The following TNFRSF18 variants were observed in gnomAD, a reference collection of about 807,000 sequenced individuals.
The protein encoded by TNFRSF18 is tumor necrosis factor receptor superfamily member 18.
Under a neutral mutation model 30.2 loss-of-function variants are expected in TNFRSF18, and 36 were observed. The observed-to-expected ratio is 1.19, with a 90% CI of 0.91 to 1.58. The LOEUF (loss-of-function observed/expected upper bound fraction) is 1.58. Among genes scored for constraint, TNFRSF18 ranks in the 40% most tolerant of loss-of-function variants. TNFRSF18 has a pLI of 0.00. For synonymous variants in TNFRSF18, 173 were observed against 158.3 expected, an observed-to-expected ratio of 1.09 and a Z score of -0.70; for missense variants, 369 against 345.4, an observed-to-expected ratio of 1.07 and a Z score of -0.54.
intron 1 of TNFRSF18, 130 bp downstream of exon 1, chr1:1,206,255 G>T: frequency 9.3e-7 from 1 of 1,073,172 alleles, no homozygotes. Context: ...TCCCGCTGCT[G>T]GCGGCTCTGT....
intron 3 of TNFRSF18, 79 bp from the exon 4 acceptor site, chr1:1,204,315 G>C: frequency 3.1e-6 from 5 of 1,593,290 alleles, no homozygotes; most frequent in Non-Finnish European, 4.3e-6. Flanking sequence ...CCTCCGTGCT[G>C]TCTGGGGCAA....
chr1:1,203,777 C>T lies in TNFRSF18; in HGVS notation c.*67G>A. On this transcript the variant is annotated 3_prime_UTR_variant, in exon 5 of 5. Transcript: ENST00000379268. ...CCCGGCCCAGAGCAGAACGCAGAGCCCCTGCGGCCTGGGGAGCTCCTGGGG... is the reference window on the plus strand; with the variant it reads ...CCCGGCCCAGAGCAGAACGCAGAGCTCCTGCGGCCTGGGGAGCTCCTGGGG... The T allele has an allele frequency of 6.4e-7, 1 of 1,565,234 alleles. No homozygotes were observed. Among genetic ancestry groups the T allele is most frequent in the Non-Finnish European group, 8.6e-7 (1 of 1,161,584 alleles).
chr1:1,203,677 C>A lies in TNFRSF18; in HGVS notation c.*167G>T. The A allele has an allele frequency of 6.4e-7, 1 of 1,550,538 alleles. No individual in the cohort carries two copies. Among genetic ancestry groups the A allele is most frequent in the Non-Finnish European group, 8.7e-7 (1 of 1,155,668 alleles). Reference sequence around the variant, plus strand: ...TCCCTCCTGCAGGGCCCAGCCGCGGCCGCCGAACTGCATGGTCCAGGGCGC... The same window carrying A: ...TCCCTCCTGCAGGGCCCAGCCGCGGACGCCGAACTGCATGGTCCAGGGCGC... On this transcript the variant is annotated 3_prime_UTR_variant, in exon 5 of 5. Transcript: ENST00000379268.
chr1:1,205,609 A>G, intron 1 of TNFRSF18, 117 bp from the exon 2 acceptor site: 1 of 1,085,630 alleles, frequency 9.2e-7, no homozygotes, highest in Non-Finnish European at 1.3e-6. Context: ...AGTTGGCTCC[A>G]GGGAGCAGAG....
intron 1 of TNFRSF18, 69 bp downstream of exon 1, chr1:1,206,316 G>C (rs767908776): frequency 2.0e-6 from 3 of 1,504,542 alleles, no homozygotes; most frequent in African/African-American, 2.8e-5. Context: ...GGGAAGGGGG[G>C]CGCCCACCCA....
intron 3 of TNFRSF18, 42 bp from the exon 4 acceptor site, chr1:1,204,278 G>C: frequency 6.3e-7 from 1 of 1,595,378 alleles, no homozygotes; most frequent in Non-Finnish European, 8.5e-7. Context: ...CCCCGGACAC[G>C]GCCTCCGATC....
rs1400770562 is a variant in TNFRSF18, at chr1:1,203,779, C to A, written c.*65G>T. The A allele has an allele frequency of 1.9e-6, 3 of 1,565,840 alleles. No homozygotes were observed. The highest frequency in any genetic ancestry group is 2.3e-5 in the East Asian group (1 of 42,934). ...CGGCCCAGAGCAGAACGCAGAGCCCCTGCGGCCTGGGGAGCTCCTGGGGAG... is the reference window on the plus strand; with the variant it reads ...CGGCCCAGAGCAGAACGCAGAGCCCATGCGGCCTGGGGAGCTCCTGGGGAG... On this transcript the variant is annotated 3_prime_UTR_variant, in exon 5 of 5. Transcript: ENST00000379268.
In TNFRSF18 at chr1:1,204,200, C is replaced by T. The variant is rs750650805; in HGVS notation, c.435G>A (p.Gly145=). ...CGCACACAGCGTTGTGGGTCTTGTTCCCAGGGAACACAGTGAGAAACCCGA... is the reference window on the plus strand; with the variant it reads ...CGCACACAGCGTTGTGGGTCTTGTTTCCAGGGAACACAGTGAGAAACCCGA... ...TQFGFLTVFP[G]NKTHNAVCVP... The change falls in exon 4 of 5, where the codon GGG becomes GGA. Residue 145 remains glycine (G), a synonymous_variant. Coordinates refer to ENST00000379268, the MANE Select transcript of TNFRSF18 (RefSeq NM_004195.3). 1 of 1,611,842 alleles carries T rather than the reference C, an allele frequency of 6.2e-7. No homozygotes were observed. Among genetic ancestry groups the T allele is most frequent in the African/African-American group, 1.3e-5 (1 of 74,938 alleles).
At position 1,206,461 on chromosome 1, in the gene TNFRSF18, C is replaced by T; in HGVS notation, c.111G>A (p.Gly37=). The change falls in exon 1 of 5, where the codon GGG becomes GGA. Residue 37 remains glycine, a synonymous_variant. Transcript: ENST00000379268. ...CCGTTCCCGTCCCAAGCAGGAGGCG[C>T]CCAGGGCCGCACCCGGGACCCCCGG... is the stretch of plus-strand genomic sequence containing the variant. The part of the protein sequence containing the change: ...RPTGGPGCGP[G]RLLLGTGTDA... The T allele has an allele frequency of 6.5e-7, 1 of 1,547,002 alleles. No individual in the cohort carries two copies. The highest frequency in any genetic ancestry group is 8.7e-7 in the Non-Finnish European group (1 of 1,146,028).
At chr1:1,206,056 G>C (rs1001923926) in intron 1 of TNFRSF18, among the ~76,000 whole-genome samples, 1 of 152,242 alleles carries the variant, frequency 6.6e-6, no homozygotes, top group Non-Finnish European at 1.5e-5. Flanking sequence ...CTGGGCAGGA[G>C]GGGGCTGGGC....
At chr1:1,204,013 C>T in intron 4 of TNFRSF18, 21 bp downstream of exon 4, 1 of 1,607,952 alleles carries the variant, frequency 6.2e-7, no homozygotes, top group Non-Finnish European at 8.5e-7. Context: ...TCCCACCTCC[C>T]CGCACCAGGC....
At chr1:1,206,317 C>T (rs750818116) in intron 1 of TNFRSF18, 68 bp downstream of exon 1, 503 of 1,501,680 alleles carry the variant, frequency 3.3e-4, no homozygotes, top group Non-Finnish European at 4.0e-4. Flanking sequence ...GGAAGGGGGG[C>T]GCCCACCCAT....
intron 1 of TNFRSF18, chr1:1,205,775 G>T: frequency 2.2e-6 from 1 of 456,722 alleles, no homozygotes; most frequent in Non-Finnish European, 4.0e-6. Flanking sequence ...GGACCCAGGG[G>T]TGGCCCCCAA....
rs1472751875 is a variant in TNFRSF18 at position 1,203,957 on chromosome 1, G to A, written c.613C>T (p.Leu205=). The A allele has an allele frequency of 6.2e-7, 1 of 1,607,096 alleles. No individual in the cohort carries two copies. The highest frequency in any genetic ancestry group is 8.5e-7 in the Non-Finnish European group (1 of 1,178,714). The change falls in exon 5 of 5, where the codon CTG becomes TTG. Residue 205 remains leucine (L), a synonymous_variant. Coordinates refer to ENST00000379268, the MANE Select transcript of TNFRSF18 (RefSeq NM_004195.3). Reference sequence around the variant, plus strand: ...TCGGTCGACGGCGGCACCTCCAGCAGCAGCTGGGTCTCTGCAGGGGGGCCA... The same window carrying A: ...TCGGTCGACGGCGGCACCTCCAGCAACAGCTGGGTCTCTGCAGGGGGGCCA... ...QCMWPRETQL[L]LEVPPSTEDA...
intron 2 of TNFRSF18, among the ~76,000 whole-genome samples, chr1:1,204,775 G>T (rs1298514809): frequency 5.9e-5 from 9 of 152,080 alleles, no homozygotes; most frequent in Non-Finnish European, 1.0e-4. Flanking sequence ...GGGGCTGAGG[G>T]TGGGCAGAAG....
intron 2 of TNFRSF18, 43 bp downstream of exon 2, chr1:1,205,327 C>A: frequency 6.3e-7 from 1 of 1,594,186 alleles, no homozygotes; most frequent in Non-Finnish European, 8.5e-7. Context: ...CCTAGTGGAA[C>A]CCCTGGCCTG....
Position 1,203,540 on chromosome 1 carries a change from C to T in TNFRSF18, c.*304G>A. ...ACAAGTGTTTATTGAAGGTCCCCTGCAGCCGGGTCCCGTGCTGGGCACTGC... is the reference window on the plus strand; with the variant it reads ...ACAAGTGTTTATTGAAGGTCCCCTGTAGCCGGGTCCCGTGCTGGGCACTGC... On this transcript the variant is annotated 3_prime_UTR_variant, in exon 5 of 5. Transcript: ENST00000379268. 6.9e-7 allele frequency: 1 copy of T among 1,445,070 alleles called. No homozygotes were observed. 89.5% of individuals were successfully genotyped at this position (1,445,070 alleles called of 1,614,324 possible). A position where few individuals can be genotyped will look rare whatever the true frequency, so the allele number is the denominator to read the frequency against.
At chr1:1,205,991 A>C (rs1304166545) in intron 1 of TNFRSF18, among the ~76,000 whole-genome samples, 1 of 152,142 alleles carries the variant, frequency 6.6e-6, no homozygotes, top group Non-Finnish European at 1.5e-5. Context: ...CCTCATCCCC[A>C]GGTGCAGGTC....
chr1:1,203,805 G>A lies in TNFRSF18; in HGVS notation c.*39C>T. ...TGCGGCCTGGGGAGCTCCTGGGGAG[G>A]GGCTGGCTGCGGTCGGTGGCCCCGG... On this transcript the variant is annotated 3_prime_UTR_variant, in exon 5 of 5. Transcript: ENST00000379268. 2 of 1,575,262 alleles carry A rather than the reference G, an allele frequency of 1.3e-6. No individual in the cohort carries two copies. Among genetic ancestry groups the A allele is most frequent in the Non-Finnish European group, 8.6e-7 (1 of 1,166,900 alleles).
Sources: gnomAD v4.1 joint callset for allele counts (sites outside exome capture counted in the v4.1 genomes callset) on GRCh38, gnomAD v4.1.1 for gene constraint, MANE v1.5 for transcripts, NCBI Gene and HGNC (gene_info 2026-07-23, HGNC 2026-07-21) for gene names.